Variants in GAPVD1 observed in about 807,000 individuals in gnomAD.
GAPVD1 encodes the protein GTPase-activating protein and VPS9 domain-containing protein 1.
In GAPVD1, 35 loss-of-function variants were observed where a neutral mutation model predicts 155.5. That is an observed-to-expected ratio of 0.23 (90% CI 0.17 to 0.30). The LOEUF (loss-of-function observed/expected upper bound fraction) is 0.30. GAPVD1 is among the 10% of genes least tolerant of loss of function. The probability of loss-of-function intolerance (pLI) is 1.00; values close to 1 mark genes in which losing one functional copy is unlikely to be tolerated. For synonymous variants in GAPVD1, 636 were observed against 619.7 expected, an observed-to-expected ratio of 1.03 and a Z score of -0.39; for missense variants, 1,429 against 1,775.7, an observed-to-expected ratio of 0.80 and a Z score of 3.51.
Position 125,299,050 on chromosome 9 carries a change from T to G in GAPVD1, c.129T>G (p.Arg43=). Residue 43 remains arginine, a synonymous_variant, in exon 4 of 28, where the codon CGT becomes CGG. Transcript: ENST00000297933. ...TTAAGACAGCTGAAAAGTTGTATCGTACAGCATGGATTGCGAAGCAACAGA... is the reference window on the plus strand; with the variant it reads ...TTAAGACAGCTGAAAAGTTGTATCGGACAGCATGGATTGCGAAGCAACAGA... ...DVLKTAEKLY[R]TAWIAKQQRI... 6.2e-7 allele frequency: 1 copy of G among 1,609,880 alleles called. No individual in the cohort carries two copies. Among genetic ancestry groups the G allele is most frequent in the Non-Finnish European group, 8.5e-7 (1 of 1,178,122 alleles).
At chr9:125,268,353 A>G (rs750735347) in intron 1 of GAPVD1, among the ~76,000 whole-genome samples, 13 of 152,098 alleles carry the variant, frequency 8.5e-5, no homozygotes, top group Non-Finnish European at 1.5e-4. Flanking sequence ...TTACATGGTA[A>G]CACTACCTGA....
At chr9:125,286,976 C>A (rs1021708003) in intron 2 of GAPVD1, among the ~76,000 whole-genome samples, 1 of 151,718 alleles carries the variant, frequency 6.6e-6, no homozygotes, top group African/African-American at 2.4e-5. Context: ...CCTAGCTACT[C>A]GGGAGGCTGA....
intron 2 of GAPVD1, among the ~76,000 whole-genome samples, chr9:125,269,338 T>A (rs1414847488): frequency 1.3e-5 from 2 of 152,166 alleles, no homozygotes; most frequent in Admixed American, 6.6e-5. Context: ...TTTTTTGTCA[T>A]ACATATTTCC....
At chr9:125,280,512 C>G (rs1389667919) in intron 2 of GAPVD1, among the ~76,000 whole-genome samples, 1 of 151,314 alleles carries the variant, frequency 6.6e-6, no homozygotes, top group African/African-American at 2.4e-5. Context: ...TTTTTATTTC[C>G]TAAGCACCCT....
At chr9:125,360,308 G>C (rs1850719066) in intron 26 of GAPVD1, among the ~76,000 whole-genome samples, 1 of 152,124 alleles carries the variant, frequency 6.6e-6, no homozygotes. Context: ...TCTATTAATG[G>C]ATATCTGGTT....
intron 19 of GAPVD1, 69 bp downstream of exon 19, chr9:125,342,368 G>A (rs1158250726): frequency 1.1e-6 from 1 of 883,594 alleles, no homozygotes; most frequent in African/African-American, 1.7e-5. Context: ...CTTTTTCTTG[G>A]GTGCCATAAG....
chr9:125,285,903 G>C (rs1304449644), intron 2 of GAPVD1, among the ~76,000 whole-genome samples: 1 of 151,968 alleles, frequency 6.6e-6, no homozygotes, highest in African/African-American at 2.4e-5. Context: ...TGACCTCCCT[G>C]CTCAAGTGAT....
chr9:125,334,324 T>C (rs192752212), intron 15 of GAPVD1, among the ~76,000 whole-genome samples: 89 of 140,366 alleles, frequency 6.3e-4, no homozygotes, highest in African/African-American at 2.1e-3. Context: ...GATGAAGGAA[T>C]AAAAATTACT....
At position 125,360,516 on chromosome 9, in the gene GAPVD1, G is replaced by C. The variant is rs762398384; in HGVS notation, c.4045-12G>C. ...GATTCAGAATCTGTATATTGTCTAT[G>C]GTCTCACTTAGGTTTATCTTCGAGA... On this transcript the variant is annotated splice_polypyrimidine_tract_variant and intron_variant, in intron 26 of 27. Transcript: ENST00000297933. The C allele has an allele frequency of 1.4e-5, 22 of 1,607,984 alleles. No homozygotes were observed. The highest frequency in any genetic ancestry group is 1.9e-5 in the Non-Finnish European group (22 of 1,174,614).
chr9:125,300,294 G>A (rs892059361), intron 4 of GAPVD1, among the ~76,000 whole-genome samples: 9 of 148,696 alleles, frequency 6.1e-5, no homozygotes. Context: ...AGATTCTCCT[G>A]CCTCAGCCTC....
intron 2 of GAPVD1, among the ~76,000 whole-genome samples, chr9:125,290,447 G>A: frequency 6.6e-6 from 1 of 152,144 alleles, no homozygotes; most frequent in East Asian, 1.9e-4. Context: ...GTAAAAGCAA[G>A]TAGAAAGAGC....
chr9:125,307,634 A>G, intron 7 of GAPVD1, 57 bp from the exon 8 acceptor site: 1 of 1,568,532 alleles, frequency 6.4e-7, no homozygotes, highest in Admixed American at 1.7e-5. Flanking sequence ...TGTGTGGGAA[A>G]TACATATTGT....
Position 125,354,751 on chromosome 9 carries a change from G to A in GAPVD1, c.3667G>A (p.Asp1223Asn). The change falls in exon 24 of 28, where the codon GAC becomes AAC. Residue 1223 changes from aspartate (D) to asparagine (N), a missense_variant. By Grantham distance (23) the Asp-to-Asn change is conservative. Coordinates refer to ENST00000297933, the MANE Select transcript of GAPVD1 (RefSeq NM_001282680.3). Reference protein sequence around the residue: ...LERLLQRVLRDKEVANRYFTT... With the variant: ...LERLLQRVLRNKEVANRYFTT... Reference sequence around the variant, plus strand: ...AAGGCTATTGCAAAGAGTTTTGCGGGACAAAGAAGTGGCCAATCGATACTT... The same window carrying A: ...AAGGCTATTGCAAAGAGTTTTGCGGAACAAAGAAGTGGCCAATCGATACTT... 6.2e-7 allele frequency: 1 copy of A among 1,613,682 alleles called. No individual in the cohort carries two copies. The highest frequency in any genetic ancestry group is 8.5e-7 in the Non-Finnish European group (1 of 1,179,578).
chr9:125,332,735 G>A lies in GAPVD1; in HGVS notation c.2428+106G>A, dbSNP rs367855643. 6.5e-5 allele frequency: 58 copies of A among 898,116 alleles called. 1 individual carries two copies. In the Middle Eastern group the frequency reaches 2.8e-3, roughly 44 times the overall value. 55.6% of individuals were successfully genotyped at this position (898,116 alleles called of 1,614,324 possible). On this transcript the variant is annotated intron_variant, in intron 15 of 27. Transcript: ENST00000297933. Reference sequence around the variant, plus strand: ...AGCATCTGTTGGTATAGCACTTTGGGACATACTTTGTCAGTATCTATTTAA... The same window carrying A: ...AGCATCTGTTGGTATAGCACTTTGGAACATACTTTGTCAGTATCTATTTAA...
At chr9:125,281,426 G>T (rs1232102524) in intron 2 of GAPVD1, among the ~76,000 whole-genome samples, 2 of 151,844 alleles carry the variant, frequency 1.3e-5, no homozygotes, top group East Asian at 1.9e-4. Flanking sequence ...TGGGATCACA[G>T]GTGGGAGCCA....
chr9:125,348,250 C>T (rs1471528541), intron 20 of GAPVD1, among the ~76,000 whole-genome samples: 3 of 152,046 alleles, frequency 2.0e-5, no homozygotes, highest in Non-Finnish European at 2.9e-5. Context: ...AGAGATGGGG[C>T]TTCGCCATGT....
At chr9:125,301,747 G>T (rs1840920494) in intron 4 of GAPVD1, among the ~76,000 whole-genome samples, 1 of 152,066 alleles carries the variant, frequency 6.6e-6, no homozygotes, top group Non-Finnish European at 1.5e-5. Flanking sequence ...ACCGCACCCA[G>T]CCCCAATACT....
At position 125,337,600 on chromosome 9, in the gene GAPVD1, C is replaced by T. The variant is rs757021008; in HGVS notation, c.2877+9C>T. 2 of 1,598,332 alleles carry T rather than the reference C, an allele frequency of 1.3e-6. No individual in the cohort carries two copies. The highest frequency in any genetic ancestry group is 1.3e-5 in the African/African-American group (1 of 74,284). ...ACTCCTCAAGAGGAGAGGTATGGGA[C>T]ATAGGCCGTGAAAAAGAATTATGTT... is the stretch of plus-strand genomic sequence containing the variant. On this transcript the variant is annotated intron_variant, in intron 17 of 27. Coordinates refer to ENST00000297933, the MANE Select transcript of GAPVD1 (RefSeq NM_001282680.3).
intron 15 of GAPVD1, among the ~76,000 whole-genome samples, chr9:125,333,179 C>T (rs1846335060): frequency 6.6e-6 from 1 of 151,756 alleles, no homozygotes; most frequent in Non-Finnish European, 1.5e-5. Context: ...CTGCTGGGTT[C>T]AAGCCATTCT....
Sources: gnomAD v4.1 joint callset for allele counts (sites outside exome capture counted in the v4.1 genomes callset) on GRCh38, gnomAD v4.1.1 for gene constraint, MANE v1.5 for transcripts, NCBI Gene and HGNC (gene_info 2026-07-23, HGNC 2026-07-21) for gene names.